Variants in TMEM51 observed in about 807,000 individuals in gnomAD.
TMEM51 encodes transmembrane protein 51, also known as chromosome 1 open reading frame 72.
A neutral mutation model predicts 13.6 loss-of-function variants in TMEM51; 8 were observed. That is an observed-to-expected ratio of 0.59 (90% CI 0.35 to 1.07). The LOEUF (loss-of-function observed/expected upper bound fraction) is 1.07. Ranked by LOEUF, TMEM51 falls within the 50% of genes least tolerant of loss-of-function variation. TMEM51 has a pLI of 0.02. For synonymous variants in TMEM51, 147 were observed against 144.4 expected (o/e 1.02, Z -0.13); for missense variants, 279 against 330.7 (o/e 0.84, Z 1.21).
chr1:15,184,440 C>A (rs1242521392), intron 1 of TMEM51, among the ~76,000 whole-genome samples: 2 of 152,176 alleles, frequency 1.3e-5, no homozygotes, highest in Admixed American at 6.5e-5. Flanking sequence ...CGACAGAGTA[C>A]CTTGAAGGCA....
rs869144476 is a variant in TMEM51, at chr1:15,193,563, TTTTC to T, written c.-266-16915_-266-16912del. 5.2e-3 allele frequency among the ~76,000 whole-genome samples: 661 copies of T among 127,464 alleles called. 25 individuals carry two copies. The highest frequency in any genetic ancestry group is 7.5e-3 in the South Asian group (29 of 3,858). 83.6% of individuals were successfully genotyped at this position (127,464 alleles called of 152,430 possible). On this transcript the variant is annotated intron_variant, in intron 1 of 3. Transcript: ENST00000376008. The stretch of plus-strand genomic sequence containing the variant: ...GGAAGTAGACAGCATTTTCTTTTTC[TTTTC>T]TTTCTTTCTTTTTTTTTTTTTTTTT...
At chr1:15,212,929 T>C (rs1230957074) in intron 2 of TMEM51, among the ~76,000 whole-genome samples, 1 of 152,246 alleles carries the variant, frequency 6.6e-6, no homozygotes, top group Non-Finnish European at 1.5e-5. Context: ...TCTTAACTCC[T>C]TCAAGAGCAG....
chr1:15,198,495 C>T (rs1478450479), intron 1 of TMEM51, among the ~76,000 whole-genome samples: 1 of 152,128 alleles, frequency 6.6e-6, no homozygotes, highest in Non-Finnish European at 1.5e-5. Context: ...CAGCTCACTA[C>T]AACCTCTGCC....
intron 1 of TMEM51, among the ~76,000 whole-genome samples, chr1:15,197,127 TTCTC>T (rs1389366643): frequency 6.6e-6 from 1 of 152,220 alleles, no homozygotes; most frequent in Non-Finnish European, 1.5e-5. Context: ...GAGTGTCTCT[TTCTC>T]AGCAATTCCA....
chr1:15,177,098 GC>G (rs1643477287), intron 1 of TMEM51, among the ~76,000 whole-genome samples: 1 of 152,138 alleles, frequency 6.6e-6, no homozygotes, highest in Non-Finnish European at 1.5e-5. Context: ...GGGGTGCCAA[GC>G]CCCTTCCCTA....
intron 1 of TMEM51, among the ~76,000 whole-genome samples, chr1:15,177,584 C>G (rs1241972815): frequency 6.6e-6 from 1 of 152,104 alleles, no homozygotes; most frequent in Admixed American, 6.5e-5. Context: ...AAGGGGGGGG[C>G]CTGTCCCTGT....
chr1:15,207,109 GCCCGGTGGAA>G lies in TMEM51; in HGVS notation c.-266-3378_-266-3369del, dbSNP rs1253167137. On this transcript the variant is annotated intron_variant, in intron 1 of 3. Transcript: ENST00000376008. This position sits in a 1 kb window ranked among gnomAD's most constrained non-coding sequence, Gnocchi z 4.6. ...TCCTTTGTGATGTGAATGTGGCACA[GCCCGGTGGAA>G]CCGGGGATCCCTTTCCCAATTATGC... Among the ~76,000 whole-genome samples, 2 of 152,260 alleles carry G rather than the reference GCCCGGTGGAA, an allele frequency of 1.3e-5. No individual in the cohort carries two copies. Among genetic ancestry groups the G allele is most frequent in the Admixed American group, 6.5e-5 (1 of 15,292 alleles).
chr1:15,196,034 T>G (rs895840751), intron 1 of TMEM51, among the ~76,000 whole-genome samples: 3 of 152,142 alleles, frequency 2.0e-5, no homozygotes, highest in Admixed American at 6.5e-5. Context: ...AGCCCTGAGT[T>G]TTTATTCCTG....
intron 3 of TMEM51, among the ~76,000 whole-genome samples, chr1:15,218,641 A>G (rs965365256): frequency 6.6e-6 from 1 of 152,164 alleles, no homozygotes; most frequent in African/African-American, 2.4e-5. Flanking sequence ...TAAGGTTTAA[A>G]AAAACACTAG....
At chr1:15,200,206 A>G (rs1644127529) in intron 1 of TMEM51, among the ~76,000 whole-genome samples, 2 of 152,022 alleles carry the variant, frequency 1.3e-5, no homozygotes. Flanking sequence ...TCCTGAGCCC[A>G]GGATTTCAAG....
chr1:15,174,323 G>T (rs560731262), intron 1 of TMEM51, among the ~76,000 whole-genome samples: 10 of 152,200 alleles, frequency 6.6e-5, no homozygotes, highest in Admixed American at 6.5e-4. Context: ...GCTCACTACA[G>T]CCTCCACCTC....
At chr1:15,184,153 A>C (rs2312327) in intron 1 of TMEM51, among the ~76,000 whole-genome samples, 83,839 of 151,750 alleles carry the variant, frequency 0.55, 24,498 homozygotes, top group East Asian at 0.9. Flanking sequence ...ATTCTCCTGC[A>C]CAGCCTCCCG....
At chr1:15,198,963 C>T (rs1420548557) in intron 1 of TMEM51, among the ~76,000 whole-genome samples, 9 of 152,064 alleles carry the variant, frequency 5.9e-5, no homozygotes, top group South Asian at 2.1e-4. Context: ...TACAGATTGA[C>T]GTGGCAGAGG....
At chr1:15,197,479 C>T (rs1398799740) in intron 1 of TMEM51, among the ~76,000 whole-genome samples, 1 of 152,172 alleles carries the variant, frequency 6.6e-6, no homozygotes, top group African/African-American at 2.4e-5. Context: ...GCTTCCCGGC[C>T]TCTCTGACTG....
intron 1 of TMEM51, chr1:15,171,374 C>A: frequency 1.6e-6 from 2 of 1,246,704 alleles, no homozygotes; most frequent in Non-Finnish European, 2.1e-6. Flanking sequence ...GGGGGGGCGG[C>A]AGAAAGGAAG....
At chr1:15,176,539 G>C (rs1643462017) in intron 1 of TMEM51, among the ~76,000 whole-genome samples, 1 of 152,202 alleles carries the variant, frequency 6.6e-6, no homozygotes, top group African/African-American at 2.4e-5. Context: ...AGAAAGGCAA[G>C]ACACAGAGAG....
At chr1:15,169,110 A>G (rs2100831548) in intron 1 of TMEM51, among the ~76,000 whole-genome samples, 1 of 152,322 alleles carries the variant, frequency 6.6e-6, no homozygotes, top group Middle Eastern at 3.4e-3. Flanking sequence ...CCAGGCTTCT[A>G]TCTTTAGCAC....
At chr1:15,200,108 A>G (rs905781661) in intron 1 of TMEM51, among the ~76,000 whole-genome samples, 3 of 152,056 alleles carry the variant, frequency 2.0e-5, no homozygotes, top group Non-Finnish European at 2.9e-5. Context: ...TTTGGAGATA[A>G]GGCCTTTACA....
chr1:15,201,374 AAAAGT>A (rs1162108058), intron 1 of TMEM51, among the ~76,000 whole-genome samples: 1 of 150,146 alleles, frequency 6.7e-6, no homozygotes, highest in Non-Finnish European at 1.5e-5. Context: ...ATTAATAAAG[AAAAGT>A]AAATATATAA....
Sources: allele counts gnomAD v4.1 joint callset (sites outside exome capture counted in the v4.1 genomes callset), GRCh38; gene constraint gnomAD v4.1.1; non-coding constraint Gnocchi (gnomAD v3.1); transcripts MANE v1.5; gene names NCBI Gene and HGNC (gene_info 2026-07-23, HGNC 2026-07-21).